TDRD1: variants seen among roughly 807,000 people sequenced by gnomAD.
TDRD1 encodes tudor domain containing 1, also known as tudor domain-containing protein 1.
In TDRD1, 37 loss-of-function variants were observed where a neutral mutation model predicts 140.6. The observed-to-expected ratio is 0.26, with a 90% CI of 0.20 to 0.35. The LOEUF is 0.35. Ranked by LOEUF, TDRD1 falls within the 10% of genes least tolerant of loss-of-function variation. The pLI is 1.00. For missense variants in TDRD1, 1,243 were observed against 1,393.0 expected (o/e 0.89, Z 1.71); for synonymous variants, 506 against 475.7 (o/e 1.06, Z -0.83).
intron 21 of TDRD1, among the ~76,000 whole-genome samples, chr10:114,224,044 T>G (rs1287825329): frequency 6.6e-6 from 1 of 152,226 alleles, no homozygotes; most frequent in African/African-American, 2.4e-5. Context: ...CCTTGTTTTT[T>G]GGATCCCCAA....
At chr10:114,207,168 C>T (rs550833789) in intron 11 of TDRD1, among the ~76,000 whole-genome samples, 4 of 152,308 alleles carry the variant, frequency 2.6e-5, no homozygotes, top group African/African-American at 9.6e-5. Flanking sequence ...CTTTACTTTG[C>T]TCCTGTACTG....
intron 23 of TDRD1, 142 bp downstream of exon 23, chr10:114,227,441 C>G: frequency 1.5e-6 from 1 of 671,838 alleles, no homozygotes; most frequent in East Asian, 2.7e-5. Flanking sequence ...GGTTCTGATT[C>G]CTGTGGCTGC....
upstream of TDRD1, among the ~76,000 whole-genome samples, chr10:114,178,062 C>T (rs1432978581): frequency 1.3e-5 from 2 of 151,862 alleles, no homozygotes; most frequent in South Asian, 2.1e-4. Context: ...AGGCTGGTCT[C>T]GAACTCCAGA....
chr10:114,205,923 G>A (rs570440660), intron 10 of TDRD1, among the ~76,000 whole-genome samples: 4 of 152,272 alleles, frequency 2.6e-5, no homozygotes, highest in South Asian at 2.1e-4. Flanking sequence ...CCTCTGTGGT[G>A]TGTTTATTTC....
At chr10:114,207,596 CAG>C (rs1443400772) in intron 11 of TDRD1, among the ~76,000 whole-genome samples, 3 of 151,998 alleles carry the variant, frequency 2.0e-5, no homozygotes, top group Non-Finnish European at 4.4e-5. Context: ...GGAAACCAAA[CAG>C]AGGTCTAGTG....
chr10:114,221,422 G>A, exon 20 of TDRD1: 2 of 1,613,484 alleles, frequency 1.2e-6, no homozygotes, highest in Non-Finnish European at 1.7e-6. Flanking sequence ...ACAAGCAAAT[G>A]TATTAGAAAT....
intron 1 of TDRD1, among the ~76,000 whole-genome samples, chr10:114,181,535 T>C (rs1287332667): frequency 6.6e-6 from 1 of 152,210 alleles, no homozygotes; most frequent in Non-Finnish European, 1.5e-5. Context: ...GAATAGATGC[T>C]AAGTCTTACT....
intron 21 of TDRD1, 77 bp downstream of exon 21, chr10:114,222,780 G>T: frequency 1.2e-6 from 1 of 816,914 alleles, no homozygotes; most frequent in Non-Finnish European, 2.0e-6. Flanking sequence ...TGTAGATTTT[G>T]GTATTTTAGC....
intron 17 of TDRD1, 37 bp downstream of exon 17, chr10:114,217,692 C>G (rs779811182): frequency 9.2e-7 from 1 of 1,084,734 alleles, no homozygotes; most frequent in East Asian, 2.4e-5. Context: ...CTTTTAGAAC[C>G]TTATATTTCT....
chr10:114,225,135 C>G (rs1192141583), intron 21 of TDRD1, among the ~76,000 whole-genome samples: 1 of 152,206 alleles, frequency 6.6e-6, no homozygotes, highest in East Asian at 1.9e-4. Context: ...CAGTCCATGC[C>G]CTCTGTGGTT....
upstream of TDRD1, among the ~76,000 whole-genome samples, chr10:114,175,447 CA>C (rs2032672479): frequency 6.6e-6 from 1 of 151,322 alleles, no homozygotes; most frequent in Non-Finnish European, 1.5e-5. Flanking sequence ...TTTGAATTTA[CA>C]AATATCAGAA....
intron 14 of TDRD1, 115 bp from the exon 15 acceptor site, chr10:114,213,231 G>C (rs778209616): frequency 3.3e-6 from 3 of 920,798 alleles, no homozygotes; most frequent in Non-Finnish European, 3.2e-6. Context: ...TAAGTGACAC[G>C]TTTCCGTTCC....
At chr10:114,188,251 A>C (rs2033689690) in intron 2 of TDRD1, 95 bp downstream of exon 2, 2 of 1,095,172 alleles carry the variant, frequency 1.8e-6, no homozygotes, top group Non-Finnish European at 2.6e-6. Context: ...GGCTATTAGC[A>C]GAACAGGCAC....
Position 114,210,983 on chromosome 10 carries a change from T to G in TDRD1, c.1660+16T>G. The G allele has an allele frequency of 3.2e-6, 5 of 1,554,142 alleles. No homozygotes were observed. Among genetic ancestry groups the G allele is most frequent in the Non-Finnish European group, 2.6e-6 (3 of 1,145,424 alleles). On this transcript the variant is annotated intron_variant, in intron 13 of 25. Coordinates refer to ENST00000251864, the Ensembl canonical transcript of TDRD1. Reference sequence around the variant, plus strand: ...CAGTTCTCAGGTAAGGACAGAGTATTACTGATTTTTAAAATTTATTTTTAT... The same window carrying G: ...CAGTTCTCAGGTAAGGACAGAGTATGACTGATTTTTAAAATTTATTTTTAT...
At chr10:114,184,103 A>G (rs1345864445) in intron 1 of TDRD1, among the ~76,000 whole-genome samples, 1 of 152,174 alleles carries the variant, frequency 6.6e-6, no homozygotes, top group Non-Finnish European at 1.5e-5. Flanking sequence ...TACTCCCTTC[A>G]GTAATGAGTG....
At chr10:114,227,289 T>C in exon 23 of TDRD1, 1 of 1,608,086 alleles carries the variant, frequency 6.2e-7, no homozygotes, top group Non-Finnish European at 8.5e-7. Flanking sequence ...GGCAGAGTGC[T>C]TTAAATACAG....
intron 5 of TDRD1, 104 bp downstream of exon 5, chr10:114,201,619 T>C: frequency 1.2e-6 from 1 of 837,684 alleles, no homozygotes; most frequent in Non-Finnish European, 1.9e-6. Context: ...GAAGTTACTT[T>C]TTCTTAAGCT....
chr10:114,189,577 T>C (rs1421436927), intron 2 of TDRD1, among the ~76,000 whole-genome samples: 1 of 152,182 alleles, frequency 6.6e-6, no homozygotes, highest in Non-Finnish European at 1.5e-5. Context: ...AGATGCATGA[T>C]GATATTAACA....
chr10:114,184,563 C>G (rs570733239), intron 1 of TDRD1, among the ~76,000 whole-genome samples: 1 of 152,228 alleles, frequency 6.6e-6, no homozygotes, highest in Non-Finnish European at 1.5e-5. Context: ...AGAAGCCCCC[C>G]TCAGGAGAAC....
Sources: gnomAD v4.1 joint callset for allele counts (sites outside exome capture counted in the v4.1 genomes callset) on GRCh38, gnomAD v4.1.1 for gene constraint, MANE v1.5 for transcripts, NCBI Gene and HGNC (gene_info 2026-07-23, HGNC 2026-07-21) for gene names.